The following EAPP variants were observed in gnomAD, a reference collection of about 807,000 sequenced individuals.
The protein encoded by EAPP is E2F-associated phosphoprotein.
Under a neutral mutation model 34.3 loss-of-function variants are expected in EAPP, and 38 were observed. The ratio of observed to expected loss-of-function variants is 1.11; its 90% CI spans 0.85 to 1.45. The LOEUF is 1.45. Among genes scored for constraint, EAPP ranks in the 40% most tolerant of loss-of-function variants. The probability of loss-of-function intolerance (pLI) is 0.00; values close to 1 mark genes in which losing one functional copy is unlikely to be tolerated. For synonymous variants in EAPP, 113 were observed against 117.6 expected, an observed-to-expected ratio of 0.96 and a Z score of 0.25; for missense variants, 338 against 343.7, an observed-to-expected ratio of 0.98 and a Z score of 0.13.
At chr14:34,528,414 CCTTTTTTTTTT>C (rs1365927921) in intron 4 of EAPP, among the ~76,000 whole-genome samples, 1 of 54,152 alleles carries the variant, frequency 1.8e-5, no homozygotes, top group African/African-American at 4.6e-5. Context: ...TCCACAAAAC[CCTTTTTTTTTT>C]TTTTTTTTTT....
At chr14:34,535,366 G>A (rs1161765996) in intron 2 of EAPP, among the ~76,000 whole-genome samples, 4 of 151,056 alleles carry the variant, frequency 2.6e-5, no homozygotes, top group African/African-American at 9.7e-5. Flanking sequence ...CTGACCTCAG[G>A]TGATCCACCC....
intron 5 of EAPP, among the ~76,000 whole-genome samples, chr14:34,522,043 C>T (rs867637488): frequency 2.6e-5 from 4 of 152,126 alleles, no homozygotes; most frequent in African/African-American, 9.7e-5. Flanking sequence ...ACTGCAGCCT[C>T]GACTTCCAGG....
chr14:34,533,174 A>T (rs1254570248), intron 3 of EAPP, among the ~76,000 whole-genome samples: 3 of 152,178 alleles, frequency 2.0e-5, no homozygotes, highest in Non-Finnish European at 4.4e-5. Flanking sequence ...AGCTGGGACT[A>T]CAGGCGTGCA....
At chr14:34,528,388 C>T (rs942288373) in intron 4 of EAPP, among the ~76,000 whole-genome samples, 12 of 141,070 alleles carry the variant, frequency 8.5e-5, no homozygotes, top group African/African-American at 3.2e-4. Flanking sequence ...GAACAATTTG[C>T]TAAATCCACT....
intron 5 of EAPP, among the ~76,000 whole-genome samples, chr14:34,519,201 T>C (rs1352572114): frequency 6.6e-6 from 1 of 152,118 alleles, no homozygotes; most frequent in Non-Finnish European, 1.5e-5. Context: ...GCTCTGGCCA[T>C]GTAAGATGTG....
At chr14:34,519,443 G>A (rs931303931) in intron 5 of EAPP, among the ~76,000 whole-genome samples, 1 of 151,848 alleles carries the variant, frequency 6.6e-6, no homozygotes, top group Non-Finnish European at 1.5e-5. Context: ...ACTGAGACAG[G>A]AGAATTGCGT....
intron 4 of EAPP, among the ~76,000 whole-genome samples, chr14:34,526,507 T>C (rs1232030409): frequency 6.6e-6 from 1 of 151,272 alleles, no homozygotes; most frequent in African/African-American, 2.4e-5. Flanking sequence ...GCAGATCACT[T>C]GAGCCTAGGA....
chr14:34,522,504 G>A (rs1347122239), intron 5 of EAPP, among the ~76,000 whole-genome samples: 2 of 152,068 alleles, frequency 1.3e-5, no homozygotes, highest in South Asian at 2.1e-4. Flanking sequence ...GTACATCTTT[G>A]TATTGAAGGA....
At chr14:34,538,107 G>A (rs988403940) in intron 1 of EAPP, among the ~76,000 whole-genome samples, 9 of 152,130 alleles carry the variant, frequency 5.9e-5, no homozygotes, top group Non-Finnish European at 1.3e-4. Flanking sequence ...TCCTGGCTCC[G>A]TGGCTCAGGC....
intron 2 of EAPP, among the ~76,000 whole-genome samples, chr14:34,534,206 C>T (rs1232412072): frequency 6.6e-6 from 1 of 151,016 alleles, no homozygotes; most frequent in Non-Finnish European, 1.5e-5. Context: ...AATCTCGGCT[C>T]ACTGCAACCT....
chr14:34,521,879 C>T (rs1879931070), intron 5 of EAPP, among the ~76,000 whole-genome samples: 1 of 152,050 alleles, frequency 6.6e-6, no homozygotes, highest in South Asian at 2.1e-4. Context: ...CGTGATCAGC[C>T]CTCCTCAGTC....
chr14:34,524,947 A>T, intron 4 of EAPP, 140 bp from the exon 5 acceptor site: 3 of 629,332 alleles, frequency 4.8e-6, no homozygotes, highest in Non-Finnish European at 8.2e-6. Flanking sequence ...ATGAACCTGG[A>T]GCATCTTTTA....
intron 4 of EAPP, among the ~76,000 whole-genome samples, chr14:34,528,871 T>C (rs1260590351): frequency 1.3e-5 from 2 of 151,434 alleles, no homozygotes; most frequent in East Asian, 3.9e-4. Flanking sequence ...ATGCAGTGGC[T>C]CAAGCCTGTA....
intron 5 of EAPP, 154 bp downstream of exon 5, chr14:34,524,543 G>C: frequency 1.7e-6 from 1 of 597,386 alleles, no homozygotes; most frequent in Non-Finnish European, 2.9e-6. Context: ...TTGAACCCAC[G>C]GGGCGGAGGT....
chr14:34,524,370 C>T (rs1170536416), intron 5 of EAPP, among the ~76,000 whole-genome samples: 1 of 152,088 alleles, frequency 6.6e-6, no homozygotes, highest in Non-Finnish European at 1.5e-5. Context: ...GCTTGTACGA[C>T]AGAGTGAGAC....
chr14:34,537,755 A>C (rs907024196), intron 1 of EAPP, among the ~76,000 whole-genome samples: 2 of 152,218 alleles, frequency 1.3e-5, no homozygotes, highest in Non-Finnish European at 2.9e-5. Flanking sequence ...TGTAGGGTTG[A>C]CAAGCAAGAG....
intron 1 of EAPP, chr14:34,536,585 T>G: frequency 5.3e-6 from 1 of 188,208 alleles, no homozygotes; most frequent in East Asian, 1.3e-4. Flanking sequence ...CCACCTCGGG[T>G]TCCCCAGTAG....
chr14:34,536,058 T>C, intron 2 of EAPP, 36 bp downstream of exon 2: 6 of 1,542,230 alleles, frequency 3.9e-6, no homozygotes, highest in Non-Finnish European at 5.3e-6. Flanking sequence ...TTACAGAGCT[T>C]ACAAAAATAT....
At chr14:34,528,037 T>C (rs1880151244) in intron 4 of EAPP, among the ~76,000 whole-genome samples, 1 of 134,592 alleles carries the variant, frequency 7.4e-6, no homozygotes, top group Non-Finnish European at 1.5e-5. Flanking sequence ...TAGAGTAGCC[T>C]CATCTCAATT....
Sources: gnomAD v4.1 joint callset for allele counts (sites outside exome capture counted in the v4.1 genomes callset) on GRCh38, gnomAD v4.1.1 for gene constraint, MANE v1.5 for transcripts, NCBI Gene and HGNC (gene_info 2026-07-23, HGNC 2026-07-21) for gene names.